The following NPAS3 variants were observed in gnomAD, a reference collection of about 807,000 sequenced individuals.
NPAS3 encodes neuronal PAS domain-containing protein 3.
A neutral mutation model predicts 73.1 loss-of-function variants in NPAS3; 14 were observed. That is an observed-to-expected ratio of 0.19 (90% confidence interval 0.13 to 0.30). NPAS3 has a LOEUF of 0.30. Ranked by LOEUF, NPAS3 falls within the 10% of genes least tolerant of loss-of-function variation. The pLI is 1.00. For missense variants in NPAS3, 1,096 were observed against 1,250.0 expected, an observed-to-expected ratio of 0.88 and a Z score of 1.86; for synonymous variants, 620 against 541.5, an observed-to-expected ratio of 1.14 and a Z score of -2.01.
chr14:33,011,111 G>C (rs547416973), intron 1 of NPAS3, among the ~76,000 whole-genome samples: 34 of 152,180 alleles, frequency 2.2e-4, no homozygotes, highest in Non-Finnish European at 4.4e-4. Flanking sequence ...AAACTTGTAA[G>C]AGGCACTTTC....
At chr14:33,102,365 A>T (rs537142090) in intron 2 of NPAS3, among the ~76,000 whole-genome samples, 1 of 152,180 alleles carries the variant, frequency 6.6e-6, no homozygotes, top group Non-Finnish European at 1.5e-5. Flanking sequence ...CTTCTGACTC[A>T]TAGAACACCT....
intron 2 of NPAS3, among the ~76,000 whole-genome samples, chr14:33,125,673 T>C (rs1412835244): frequency 6.6e-6 from 1 of 152,078 alleles, no homozygotes; most frequent in Admixed American, 6.6e-5. Context: ...TGCTTCCTGT[T>C]TCATATATGA....
intron 3 of NPAS3, among the ~76,000 whole-genome samples, chr14:33,243,781 G>A (rs896174232): frequency 6.6e-6 from 1 of 151,594 alleles, no homozygotes; most frequent in Non-Finnish European, 1.5e-5. Context: ...AAAAAAAAAA[G>A]TACAAGCTGA....
chr14:33,353,957 G>C (rs2140358196), intron 3 of NPAS3, among the ~76,000 whole-genome samples: 1 of 152,286 alleles, frequency 6.6e-6, no homozygotes, highest in Non-Finnish European at 1.5e-5. Flanking sequence ...TGGAGGCTGA[G>C]ATCCCTATTG....
At chr14:33,232,602 T>C (rs2047892429) in intron 3 of NPAS3, among the ~76,000 whole-genome samples, 1 of 152,146 alleles carries the variant, frequency 6.6e-6, no homozygotes, top group African/African-American at 2.4e-5. Flanking sequence ...TTCCTGTGAT[T>C]AATGGGTGTT....
chr14:33,563,729 C>T (rs1173585948), intron 5 of NPAS3, among the ~76,000 whole-genome samples: 1 of 152,106 alleles, frequency 6.6e-6, no homozygotes, highest in Non-Finnish European at 1.5e-5. Context: ...GTTTGGCTTG[C>T]ATAGAGACTG....
At chr14:33,054,614 GTTTT>G (rs10545642) in intron 1 of NPAS3, among the ~76,000 whole-genome samples, 2 of 137,236 alleles carry the variant, frequency 1.5e-5, no homozygotes, top group Admixed American at 7.3e-5. Context: ...ACTTATCTGA[GTTTT>G]TTTTTTTTTT....
At chr14:33,063,233 T>A (rs1324842627) in intron 2 of NPAS3, among the ~76,000 whole-genome samples, 1 of 152,198 alleles carries the variant, frequency 6.6e-6, no homozygotes, top group Non-Finnish European at 1.5e-5. Flanking sequence ...TTTTACCAGA[T>A]GCCAACGTCA....
intron 4 of NPAS3, among the ~76,000 whole-genome samples, chr14:33,531,135 A>G (rs2054024290): frequency 2.0e-5 from 3 of 152,098 alleles, no homozygotes; most frequent in South Asian, 2.1e-4. Context: ...CCCTTGGACC[A>G]TTATATAGGT....
chr14:33,101,214 AC>A (rs2042567792), intron 2 of NPAS3, among the ~76,000 whole-genome samples: 1 of 152,062 alleles, frequency 6.6e-6, no homozygotes, highest in Non-Finnish European at 1.5e-5. Context: ...GCCAATTTAA[AC>A]CTTTTCCAGT....
At chr14:32,939,223 C>A, upstream of NPAS3, 1 of 495,078 alleles carries the variant, frequency 2.0e-6, no homozygotes, top group Non-Finnish European at 3.8e-6. Flanking sequence ...TCTCCCGCCA[C>A]CCCACGCACA....
chr14:33,711,169 G>T (rs1330477123), intron 6 of NPAS3, among the ~76,000 whole-genome samples: 3 of 152,030 alleles, frequency 2.0e-5, no homozygotes, highest in Non-Finnish European at 4.4e-5. Flanking sequence ...TCTTATAACT[G>T]CACATTAAAA....
chr14:33,005,018 G>T (rs1308825033), intron 1 of NPAS3, among the ~76,000 whole-genome samples: 1 of 151,472 alleles, frequency 6.6e-6, no homozygotes, highest in Non-Finnish European at 1.5e-5. Context: ...TCTTCTTTTG[G>T]ATACCTCCTG....
intron 1 of NPAS3, among the ~76,000 whole-genome samples, chr14:33,014,046 T>C (rs2039305562): frequency 6.6e-6 from 1 of 152,172 alleles, no homozygotes; most frequent in Non-Finnish European, 1.5e-5. Context: ...CTAAAACATC[T>C]TCAGTGCAGG....
chr14:32,939,048 G>A (rs974687278), upstream of NPAS3, among the ~76,000 whole-genome samples: 2 of 145,582 alleles, frequency 1.4e-5, no homozygotes, highest in African/African-American at 4.9e-5. Context: ...GGCGCGAGGG[G>A]ACGGCCGGCC....
chr14:33,592,051 G>T lies in NPAS3; in HGVS notation c.558+31841G>T, dbSNP rs1203965644. ...TACACAGAAAAGTGACAGCATGTGG[G>T]ATGACCGCTGGGAGACCAGAAATAT... On this transcript the variant is annotated intron_variant, in intron 5 of 11. Coordinates refer to ENST00000356141, the Ensembl canonical transcript of NPAS3. 2.0e-5 allele frequency among the ~76,000 whole-genome samples: 3 copies of T among 152,264 alleles called. No individual in the cohort carries two copies. In the East Asian group the frequency reaches 5.8e-4, roughly 29 times the overall value.
At chr14:32,991,594 C>T (rs1290223792) in intron 1 of NPAS3, among the ~76,000 whole-genome samples, 1 of 152,178 alleles carries the variant, frequency 6.6e-6, no homozygotes, top group Non-Finnish European at 1.5e-5. Context: ...CATTTAATGA[C>T]TAGATAACAA....
chr14:33,104,827 G>C (rs552235658), intron 2 of NPAS3, among the ~76,000 whole-genome samples: 1 of 152,140 alleles, frequency 6.6e-6, no homozygotes, highest in Non-Finnish European at 1.5e-5. Context: ...AGTATGTTCT[G>C]CATTTAGTAT....
chr14:33,503,393 G>A (rs1165941787), intron 4 of NPAS3, among the ~76,000 whole-genome samples: 1 of 151,890 alleles, frequency 6.6e-6, no homozygotes, highest in Non-Finnish European at 1.5e-5. Flanking sequence ...TTTTAGGGAC[G>A]AAGATAATGT....
Sources: allele counts gnomAD v4.1 joint callset (sites outside exome capture counted in the v4.1 genomes callset), GRCh38; gene constraint gnomAD v4.1.1; transcripts MANE v1.5; gene names NCBI Gene and HGNC (gene_info 2026-07-23, HGNC 2026-07-21).